ATP2B1: variants seen among roughly 807,000 people sequenced by gnomAD.
ATP2B1 encodes ATPase plasma membrane Ca2+ transporting 1, also known as plasma membrane calcium-transporting ATPase 1.
ATP2B1 carries 14 observed loss-of-function variants against 124.2 expected under a neutral mutation model. The observed-to-expected ratio is 0.11, with a 90% CI of 0.07 to 0.18. The LOEUF (loss-of-function observed/expected upper bound fraction) is 0.18, where lower values mean the gene tolerates loss of function less well. Among genes scored for constraint, ATP2B1 ranks in the 10% least tolerant of loss-of-function variants. The probability of loss-of-function intolerance (pLI) is 1.00; values close to 1 mark genes in which losing one functional copy is unlikely to be tolerated. For synonymous variants in ATP2B1, 449 were observed against 492.4 expected (o/e 0.91, Z 1.17); for missense variants, 763 against 1,466.1 (o/e 0.52, Z 7.83).
At chr12:89,681,189 T>C (rs561638631) in intron 1 of ATP2B1, among the ~76,000 whole-genome samples, 81 of 152,066 alleles carry the variant, frequency 5.3e-4, no homozygotes, top group Non-Finnish European at 1.0e-3. Flanking sequence ...GCTGATAACG[T>C]AGGAAAAATG....
chr12:89,645,106 CAAGG>C (rs1295829765), intron 2 of ATP2B1, among the ~76,000 whole-genome samples: 1 of 152,024 alleles, frequency 6.6e-6, no homozygotes, highest in Non-Finnish European at 1.5e-5. Flanking sequence ...CTTTGGGGGT[CAAGG>C]GAGGGCACTA....
At chr12:89,668,797 T>C (rs1887593642) in intron 1 of ATP2B1, among the ~76,000 whole-genome samples, 1 of 152,202 alleles carries the variant, frequency 6.6e-6, no homozygotes, top group Non-Finnish European at 1.5e-5. Flanking sequence ...ATCCCTTCTC[T>C]CATCCATTTG....
intron 6 of ATP2B1, among the ~76,000 whole-genome samples, chr12:89,628,662 A>G (rs1455062792): frequency 6.6e-6 from 1 of 152,204 alleles, no homozygotes; most frequent in Non-Finnish European, 1.5e-5. Flanking sequence ...AGTAGGCACT[A>G]CAATATTAAA....
At position 89,659,976 on chromosome 12, in the gene ATP2B1, T is replaced by TA. The variant is rs199782664; in HGVS notation, c.-221-3870dup. Among the ~76,000 whole-genome samples the TA allele has an allele frequency of 3.7e-4, 50 of 136,514 alleles. No individual in the cohort carries two copies. In the Middle Eastern group the frequency reaches 0.011, roughly 31 times the overall value. The allele number at this position is 136,514 out of a possible 152,430, so 89.6% of individuals were successfully genotyped here. On this transcript the variant is annotated intron_variant, in intron 1 of 20. Transcript: ENST00000428670. ...GAGAAAAGTTATCCAGACTCAACAA[T>TA]AAAAAATCAATTATTAGAAAAACTA...
chr12:89,613,585 A>T (rs1053386448), intron 12 of ATP2B1, among the ~76,000 whole-genome samples: 1 of 152,214 alleles, frequency 6.6e-6, no homozygotes, highest in African/African-American at 2.4e-5. Context: ...TTATAAATGT[A>T]TATATCTCCT....
At chr12:89,663,227 AAGG>A (rs564103766) in intron 1 of ATP2B1, among the ~76,000 whole-genome samples, 104 of 152,366 alleles carry the variant, frequency 6.8e-4, no homozygotes, top group African/African-American at 2.4e-3. Flanking sequence ...CACAGCTTTC[AAGG>A]AGTTTTCAAA....
At chr12:89,629,395 T>G (rs1457440992) in intron 6 of ATP2B1, among the ~76,000 whole-genome samples, 2 of 152,330 alleles carry the variant, frequency 1.3e-5, no homozygotes, top group African/African-American at 4.8e-5. Context: ...GAATCATTAC[T>G]GTGCTGGTTT....
At chr12:89,691,523 C>A (rs964580548) in intron 1 of ATP2B1, among the ~76,000 whole-genome samples, 1 of 152,090 alleles carries the variant, frequency 6.6e-6, no homozygotes. Flanking sequence ...ACACAAAAAT[C>A]TTCTGTCAAT....
In ATP2B1 at chr12:89,682,999, C is replaced by A. The variant is rs188194461; in HGVS notation, c.-222+25597G>T. ...AAGTTGAGGGAAAAAAGAATCAAAT[C>A]TCCTAAAGAAGAATGATTGAAAGCC... On this transcript the variant is annotated intron_variant, in intron 1 of 20. Coordinates refer to ENST00000428670, the MANE Select transcript of ATP2B1 (RefSeq NM_001366521.1). 9.8e-4 allele frequency among the ~76,000 whole-genome samples: 149 copies of A among 152,208 alleles called. 1 individual carries two copies. The highest frequency in any genetic ancestry group is 1.1e-3 in the Non-Finnish European group (76 of 68,002).
At chr12:89,709,148 G>A (rs1892910743), upstream of ATP2B1, 1 of 150,874 alleles carries the variant, frequency 6.6e-6, no homozygotes, top group Non-Finnish European at 1.5e-5. Flanking sequence ...GCGCAGCTCC[G>A]GGCAGGGACC....
At chr12:89,626,671 A>G in intron 7 of ATP2B1, 56 bp from the exon 8 acceptor site, 2 of 1,503,664 alleles carry the variant, frequency 1.3e-6, no homozygotes, top group Non-Finnish European at 1.8e-6. Flanking sequence ...TATCACTATT[A>G]ACATTTTAAA....
At chr12:89,593,267 T>C (rs1873935622) in intron 20 of ATP2B1, 2 of 151,988 alleles carry the variant, frequency 1.3e-5, no homozygotes, top group South Asian at 4.1e-4. Context: ...ACTGTAAAGC[T>C]TAAAATGCAA....
At chr12:89,629,661 T>G (rs1881535884) in intron 6 of ATP2B1, among the ~76,000 whole-genome samples, 1 of 152,246 alleles carries the variant, frequency 6.6e-6, no homozygotes, top group South Asian at 2.1e-4. Context: ...GCAGTTATTT[T>G]AGAATGTTTC....
intron 5 of ATP2B1, among the ~76,000 whole-genome samples, chr12:89,634,532 T>A (rs954669285): frequency 1.3e-5 from 2 of 152,206 alleles, no homozygotes; most frequent in African/African-American, 2.4e-5. Context: ...GCATGAATGC[T>A]GAATCTCAAA....
intron 13 of ATP2B1, 124 bp from the exon 14 acceptor site, chr12:89,610,632 A>C (rs1877814536): frequency 2.6e-6 from 2 of 770,442 alleles, no homozygotes; most frequent in Non-Finnish European, 4.3e-6. Flanking sequence ...AACTCCTGGG[A>C]ACTTGTTAGA....
chr12:89,628,686 A>C (rs1881336348), intron 6 of ATP2B1, among the ~76,000 whole-genome samples: 1 of 152,230 alleles, frequency 6.6e-6, no homozygotes, highest in Admixed American at 6.5e-5. Context: ...GCCAAAGAGC[A>C]GGAGAACCAT....
chr12:89,686,187 G>A (rs1889953540), intron 1 of ATP2B1, among the ~76,000 whole-genome samples: 1 of 151,954 alleles, frequency 6.6e-6, no homozygotes, highest in South Asian at 2.1e-4. Context: ...GTTCTTCAAG[G>A]CAATCTTTCA....
intron 3 of ATP2B1, among the ~76,000 whole-genome samples, chr12:89,637,405 A>G (rs1419381246): frequency 7.4e-6 from 1 of 134,572 alleles, no homozygotes; most frequent in Non-Finnish European, 1.5e-5. Context: ...GAAAGCAAAC[A>G]TTAAATTTTA....
At chr12:89,610,731 G>A (rs1187176470) in intron 13 of ATP2B1, 6 of 485,746 alleles carry the variant, frequency 1.2e-5, no homozygotes, top group East Asian at 6.7e-5. Context: ...ATCTTGCTAG[G>A]TGACTTTGAT....
Sources: allele counts gnomAD v4.1 joint callset (sites outside exome capture counted in the v4.1 genomes callset), GRCh38; gene constraint gnomAD v4.1.1; transcripts MANE v1.5; gene names NCBI Gene and HGNC (gene_info 2026-07-23, HGNC 2026-07-21).